The following SPTBN1 variants were observed in gnomAD, a reference collection of about 807,000 sequenced individuals.
SPTBN1 encodes the protein spectrin beta, non-erythrocytic 1, also known as spectrin beta chain, non-erythrocytic 1.
SPTBN1 carries 32 observed loss-of-function variants against 266.4 expected under a neutral mutation model. The ratio of observed to expected loss-of-function variants is 0.12; its 90% CI spans 0.09 to 0.16. The LOEUF (loss-of-function observed/expected upper bound fraction) is 0.16, where lower values mean the gene tolerates loss of function less well. Among genes scored for constraint, SPTBN1 ranks in the 10% least tolerant of loss-of-function variants. The pLI, the probability that SPTBN1 is intolerant of heterozygous loss-of-function variation, is 1.00. For missense variants in SPTBN1, 2,296 were observed against 3,067.1 expected, an observed-to-expected ratio of 0.75 and a Z score of 5.94; for synonymous variants, 1,336 against 1,162.2, an observed-to-expected ratio of 1.15 and a Z score of -3.04.
intron 12 of SPTBN1, among the ~76,000 whole-genome samples, chr2:54,627,429 A>G (rs1170123223): frequency 6.6e-6 from 1 of 152,210 alleles, no homozygotes; most frequent in African/African-American, 2.4e-5. Context: ...AGAAAATATC[A>G]GTGGGTTCAA....
intron 1 of SPTBN1, among the ~76,000 whole-genome samples, chr2:54,493,053 T>G (rs1042819503): frequency 1.4e-5 from 2 of 146,126 alleles, no homozygotes; most frequent in Admixed American, 1.4e-4. Context: ...TTGCCCAGAC[T>G]GAAGTGCAGT....
intron 3 of SPTBN1, among the ~76,000 whole-genome samples, chr2:54,599,543 G>C (rs981416652): frequency 6.6e-6 from 1 of 152,214 alleles, no homozygotes; most frequent in Non-Finnish European, 1.5e-5. Flanking sequence ...AATTTGAAGG[G>C]CCAGGCTTGG....
Position 54,626,165 on chromosome 2 carries a change from G to A in SPTBN1, c.1575G>A (p.Glu525=), listed in dbSNP as rs1241028471. ...ELLRARRQRL[E]MNLGLQKIFQ... ...TCAGGGCCCGGAGACAGCGGCTCGA[G>A]ATGAACCTGGGGCTGCAGAAGATAT... The change falls in exon 12 of 36, where the codon GAG becomes GAA. Residue 525 remains glutamate (E), a synonymous_variant. Transcript: ENST00000356805. The surrounding 1 kb of genome is among the most constrained non-coding windows in gnomAD (Gnocchi z 4.7). 30 of 1,614,088 alleles carry A rather than the reference G, an allele frequency of 1.9e-5. No homozygotes were observed. The highest frequency in any genetic ancestry group is 2.5e-5 in the Non-Finnish European group (30 of 1,180,040).
chr2:54,465,606 T>G (rs1693585227), intron 1 of SPTBN1, among the ~76,000 whole-genome samples: 1 of 145,240 alleles, frequency 6.9e-6, no homozygotes. Context: ...TTTGTATATA[T>G]ACATATATGA....
At chr2:54,634,285 G>A (rs969848951) in intron 17 of SPTBN1, among the ~76,000 whole-genome samples, 7 of 152,170 alleles carry the variant, frequency 4.6e-5, no homozygotes, top group African/African-American at 1.7e-4. Flanking sequence ...AGATGATGCT[G>A]TCTAGACTCC....
chr2:54,524,984 T>G (rs1670713693), intron 1 of SPTBN1, among the ~76,000 whole-genome samples: 1 of 152,194 alleles, frequency 6.6e-6, no homozygotes, highest in Non-Finnish European at 1.5e-5. Flanking sequence ...CCTTTTCTTG[T>G]GTGCTTTTTG....
chr2:54,580,193 G>A lies in SPTBN1; in HGVS notation c.149-18899G>A, dbSNP rs138653180. 2.7e-3 allele frequency among the ~76,000 whole-genome samples: 414 copies of A among 152,294 alleles called. 2 individuals are homozygous for A. Among genetic ancestry groups the A allele is most frequent in the African/African-American group, 9.5e-3 (393 of 41,552 alleles). Reference sequence around the variant, plus strand: ...CTATGACAGCAGTGGCTGTGAAGCTGTTTCTTTAAAGTAAAACCCCTTTTG... The same window carrying A: ...CTATGACAGCAGTGGCTGTGAAGCTATTTCTTTAAAGTAAAACCCCTTTTG... On this transcript the variant is annotated intron_variant, in intron 2 of 35. Coordinates refer to ENST00000356805, the MANE Select transcript of SPTBN1 (RefSeq NM_003128.3).
chr2:54,487,890 C>T (rs1668492646), intron 1 of SPTBN1, among the ~76,000 whole-genome samples: 1 of 123,770 alleles, frequency 8.1e-6, no homozygotes, highest in Non-Finnish European at 1.6e-5. Flanking sequence ...AGTGCAGTGG[C>T]ACGATCTCAG....
intron 3 of SPTBN1, among the ~76,000 whole-genome samples, chr2:54,610,772 T>G (rs768953148): frequency 6.6e-6 from 1 of 152,248 alleles, no homozygotes. Context: ...GACTTCTCTC[T>G]GCTTCTTGGG....
rs1010679743 is a variant in SPTBN1 at position 54,651,377 on chromosome 2, A to G, written c.5577+1388A>G. Among the ~76,000 whole-genome samples the G allele has an allele frequency of 1.1e-4, 6 of 55,774 alleles. No individual in the cohort carries two copies. In the African/African-American group the frequency reaches 1.1e-3, roughly 10 times the overall value. The allele number at this position is 55,774 out of a possible 152,430, so 36.6% of individuals were successfully genotyped here. On this transcript the variant is annotated intron_variant, in intron 26 of 35. Coordinates refer to ENST00000356805, the MANE Select transcript of SPTBN1 (RefSeq NM_003128.3). ...ACCTCACCATACCCACTGGGCTATG[A>G]TGTTATAGCAGTGAAAAGGATGTGT...
chr2:54,622,253 T>G, intron 8 of SPTBN1, 47 bp from the exon 9 acceptor site: 1 of 1,571,716 alleles, frequency 6.4e-7, no homozygotes, highest in Non-Finnish European at 8.7e-7. Context: ...CGTATTTAAC[T>G]TATGGAGTGA....
intron 3 of SPTBN1, among the ~76,000 whole-genome samples, chr2:54,607,112 G>C (rs568960062): frequency 6.6e-6 from 1 of 152,168 alleles, no homozygotes. Flanking sequence ...AATGTGAAAA[G>C]CTTAATGTTT....
At chr2:54,590,281 A>G (rs1379748791) in intron 2 of SPTBN1, among the ~76,000 whole-genome samples, 4 of 152,226 alleles carry the variant, frequency 2.6e-5, no homozygotes, top group African/African-American at 9.7e-5. Context: ...CTATACAATG[A>G]CAACATTTAA....
chr2:54,547,877 G>A (rs1337115202), intron 2 of SPTBN1, among the ~76,000 whole-genome samples: 1 of 152,194 alleles, frequency 6.6e-6, no homozygotes, highest in Admixed American at 6.5e-5. Context: ...AGGCGTGGTG[G>A]CTCACACCTG....
At chr2:54,666,419 GT>G (rs1413727403) in intron 34 of SPTBN1, among the ~76,000 whole-genome samples, 1 of 152,196 alleles carries the variant, frequency 6.6e-6, no homozygotes, top group Non-Finnish European at 1.5e-5. Context: ...TTGAAAAATA[GT>G]TTCCCCATCT....
chr2:54,587,303 C>T (rs1675359056), intron 2 of SPTBN1, among the ~76,000 whole-genome samples: 1 of 152,068 alleles, frequency 6.6e-6, no homozygotes, highest in Admixed American at 6.5e-5. Context: ...TTTAATGTTC[C>T]TTAGGAAGAA....
At chr2:54,610,942 T>C (rs942401476) in intron 3 of SPTBN1, among the ~76,000 whole-genome samples, 12 of 152,190 alleles carry the variant, frequency 7.9e-5, no homozygotes, top group Admixed American at 7.2e-4. Context: ...ATGATTAGCA[T>C]CATAGGCATT....
In SPTBN1 at chr2:54,649,469, C is replaced by T. The variant is rs957596580; in HGVS notation, c.5203-146C>T. On this transcript the variant is annotated intron_variant, in intron 25 of 35. Transcript: ENST00000356805. This position sits in a 1 kb window ranked among gnomAD's most constrained non-coding sequence, Gnocchi z 6.7. ...GGAAACCCAGTTGCTAAGAGGTTCT[C>T]GAGCTAAGATCTATTGTTCTGAAGT... 6 of 1,313,080 alleles carry T rather than the reference C, an allele frequency of 4.6e-6. No individual in the cohort carries two copies. Among genetic ancestry groups the T allele is most frequent in the South Asian group, 3.2e-5 (2 of 62,822 alleles). 81.3% of individuals were successfully genotyped at this position (1,313,080 alleles called of 1,614,324 possible).
chr2:54,485,353 A>C (rs1017369483), intron 1 of SPTBN1, among the ~76,000 whole-genome samples: 4 of 151,976 alleles, frequency 2.6e-5, no homozygotes, highest in African/African-American at 9.7e-5. Context: ...GCCACGCCTG[A>C]CTGGTTTTCG....
Sources: allele counts gnomAD v4.1 joint callset (sites outside exome capture counted in the v4.1 genomes callset), GRCh38; gene constraint gnomAD v4.1.1; non-coding constraint Gnocchi (gnomAD v3.1); transcripts MANE v1.5; gene names NCBI Gene and HGNC (gene_info 2026-07-23, HGNC 2026-07-21).